The following C2orf76 variants were observed in gnomAD, a reference collection of about 807,000 sequenced individuals.
The protein encoded by C2orf76 is chromosome 2 open reading frame 76, also known as UPF0538 protein C2orf76.
C2orf76 carries 23 observed loss-of-function variants against 16.9 expected under a neutral mutation model. The ratio of observed to expected loss-of-function variants is 1.36; its 90% CI spans 0.98 to 1.93. The LOEUF is 1.93. Among genes scored for constraint, C2orf76 ranks in the 30% most tolerant of loss-of-function variants. C2orf76 has a pLI of 0.00. For missense variants in C2orf76, 152 were observed against 152.6 expected, an observed-to-expected ratio of 1.00 and a Z score of 0.02; for synonymous variants, 48 against 52.3, an observed-to-expected ratio of 0.92 and a Z score of 0.35.
intron 4 of C2orf76, among the ~76,000 whole-genome samples, chr2:119,315,526 CT>C (rs1420009236): frequency 6.6e-6 from 1 of 152,172 alleles, no homozygotes; most frequent in Non-Finnish European, 1.5e-5. Flanking sequence ...AGAAAAATGA[CT>C]GTGAACTGGA....
At chr2:119,366,940 T>G, upstream of C2orf76, 1 of 1,365,596 alleles carries the variant, frequency 7.3e-7, no homozygotes, top group Non-Finnish European at 1.0e-6. Context: ...CCGAGCAGGG[T>G]TGGGGCGAGT....
downstream of C2orf76, among the ~76,000 whole-genome samples, chr2:119,297,287 C>T (rs148870664): frequency 6.6e-6 from 1 of 152,256 alleles, no homozygotes; most frequent in African/African-American, 2.4e-5. Flanking sequence ...GTGTCTGACA[C>T]ACAATGGTGA....
At chr2:119,309,349 A>T (rs966363518) in intron 5 of C2orf76, among the ~76,000 whole-genome samples, 11 of 150,012 alleles carry the variant, frequency 7.3e-5, no homozygotes, top group Non-Finnish European at 1.5e-4. Context: ...AGTAATTACA[A>T]GGGCTCTTTA....
At chr2:119,302,906 C>G (rs919613367) in intron 5 of C2orf76, among the ~76,000 whole-genome samples, 2 of 151,842 alleles carry the variant, frequency 1.3e-5, no homozygotes, top group African/African-American at 4.8e-5. Context: ...ATTTTTTTCT[C>G]AAATATGCTA....
Position 119,336,631 on chromosome 2 carries a change from G to A in C2orf76, c.133+3196C>T, listed in dbSNP as rs1395190153. ...CCTGTGGATGGCAAAACATGACTAC[G>A]AAAGAAAAGAACATTTAGAAAGCCT... On this transcript the variant is annotated intron_variant, in intron 2 of 5. Coordinates refer to ENST00000334816, the MANE Select transcript of C2orf76 (RefSeq NM_001322331.2). 5.3e-5 allele frequency among the ~76,000 whole-genome samples: 8 copies of A among 152,004 alleles called. No individual in the cohort carries two copies. The East Asian group carries it at 7.8e-4, about 15-fold the overall frequency.
At chr2:119,286,326 C>T in the C2orf76 span, among the ~76,000 whole-genome samples, 6 of 151,524 alleles carry the variant, frequency 4.0e-5, no homozygotes, top group South Asian at 1.0e-3. Context: ...AGGGACCAGT[C>T]TCCTGGCTGT....
intron 3 of C2orf76, among the ~76,000 whole-genome samples, chr2:119,319,181 TG>T (rs1311303075): frequency 2.0e-5 from 3 of 152,188 alleles, no homozygotes; most frequent in East Asian, 3.8e-4. Context: ...ATTTTGCTAA[TG>T]AGCCTTTAAA....
At chr2:119,298,051 C>A (rs1197200259), downstream of C2orf76, among the ~76,000 whole-genome samples, 1 of 152,138 alleles carries the variant, frequency 6.6e-6, no homozygotes, top group Non-Finnish European at 1.5e-5. Context: ...TCAAGCAATC[C>A]GCCCCCCTCA....
At chr2:119,336,230 C>T (rs1558788700) in intron 2 of C2orf76, among the ~76,000 whole-genome samples, 1 of 151,792 alleles carries the variant, frequency 6.6e-6, no homozygotes, top group Non-Finnish European at 1.5e-5. Context: ...CCCATCTCTA[C>T]TAAAAATATA....
chr2:119,325,124 C>G (rs1481918023), intron 2 of C2orf76, among the ~76,000 whole-genome samples: 1 of 151,744 alleles, frequency 6.6e-6, no homozygotes, highest in African/African-American at 2.4e-5. Flanking sequence ...TCGCTTAAGT[C>G]CGGGAGTTCA....
chr2:119,353,080 A>T (rs919131105), intron 1 of C2orf76, among the ~76,000 whole-genome samples: 2 of 152,210 alleles, frequency 1.3e-5, no homozygotes, highest in African/African-American at 4.8e-5. Flanking sequence ...TGAATATGCA[A>T]ATGATTCTGA....
At chr2:119,299,165 G>A (rs1012661634), downstream of C2orf76, among the ~76,000 whole-genome samples, 1 of 151,606 alleles carries the variant, frequency 6.6e-6, no homozygotes, top group African/African-American at 2.4e-5. Flanking sequence ...CAATCTTCCC[G>A]CCTCAGCCTC....
At chr2:119,298,324 A>AT (rs1387677281), downstream of C2orf76, among the ~76,000 whole-genome samples, 1 of 152,126 alleles carries the variant, frequency 6.6e-6, no homozygotes, top group Non-Finnish European at 1.5e-5. Flanking sequence ...TTTTTTTTAA[A>AT]TACTTGGCCA....
intron 2 of C2orf76, among the ~76,000 whole-genome samples, chr2:119,337,351 G>A (rs1307634293): frequency 6.6e-6 from 1 of 151,980 alleles, no homozygotes; most frequent in Admixed American, 6.6e-5. Context: ...GATTACAGAT[G>A]TGAGCCACTG....
At chr2:119,357,938 A>T (rs1680622468) in intron 1 of C2orf76, among the ~76,000 whole-genome samples, 1 of 152,246 alleles carries the variant, frequency 6.6e-6, no homozygotes, top group Admixed American at 6.5e-5. Context: ...AATAGTAGCA[A>T]TGAACACATG....
At chr2:119,363,508 GA>G (rs371159745) in intron 1 of C2orf76, among the ~76,000 whole-genome samples, 8 of 151,934 alleles carry the variant, frequency 5.3e-5, no homozygotes, top group African/African-American at 1.9e-4. Context: ...CAAGTAACCG[GA>G]AAGAAAATAC....
intron 1 of C2orf76, among the ~76,000 whole-genome samples, chr2:119,352,538 A>T (rs1680438462): frequency 6.6e-6 from 1 of 152,192 alleles, no homozygotes; most frequent in Non-Finnish European, 1.5e-5. Flanking sequence ...CTGCCAAAAC[A>T]TGTCAAAATA....
chr2:119,341,442 A>C (rs527988889), intron 1 of C2orf76, among the ~76,000 whole-genome samples: 1 of 152,234 alleles, frequency 6.6e-6, no homozygotes, highest in Non-Finnish European at 1.5e-5. Context: ...ATACAGAAAA[A>C]GTGAAACACA....
chr2:119,361,532 T>C (rs527686430), intron 1 of C2orf76, among the ~76,000 whole-genome samples: 2 of 152,162 alleles, frequency 1.3e-5, no homozygotes, highest in African/African-American at 4.8e-5. Flanking sequence ...ACTATTTATA[T>C]AGCATTTACA....
Sources: allele counts gnomAD v4.1 joint callset (sites outside exome capture counted in the v4.1 genomes callset), GRCh38; gene constraint gnomAD v4.1.1; transcripts MANE v1.5; gene names NCBI Gene and HGNC (gene_info 2026-07-23, HGNC 2026-07-21).